The following MYO3B variants were observed in gnomAD, a reference collection of about 807,000 sequenced individuals.
MYO3B encodes the protein myosin-IIIb.
In MYO3B, 156 loss-of-function variants were observed where a neutral mutation model predicts 174.6. That is an observed-to-expected ratio of 0.89 (90% CI 0.78 to 1.02). The LOEUF (loss-of-function observed/expected upper bound fraction) is 1.02. Among genes scored for constraint, MYO3B ranks in the 50% least tolerant of loss-of-function variants. The probability of loss-of-function intolerance (pLI) is 0.00; values close to 1 mark genes in which losing one functional copy is unlikely to be tolerated. For missense variants in MYO3B, 1,632 were observed against 1,639.4 expected, an observed-to-expected ratio of 1.00 and a Z score of 0.08; for synonymous variants, 563 against 569.1, an observed-to-expected ratio of 0.99 and a Z score of 0.15.
At chr2:170,248,621 T>G (rs1008702569) in intron 7 of MYO3B, among the ~76,000 whole-genome samples, 1 of 152,206 alleles carries the variant, frequency 6.6e-6, no homozygotes, top group African/African-American at 2.4e-5. Context: ...ATTTCTTGAC[T>G]TGTGGCTCCC....
intron 21 of MYO3B, among the ~76,000 whole-genome samples, chr2:170,406,204 C>T (rs1411810576): frequency 6.6e-6 from 1 of 152,196 alleles, no homozygotes; most frequent in Non-Finnish European, 1.5e-5. Context: ...TTCCCTATCC[C>T]ATAACCACAA....
chr2:170,483,883 G>A (rs1365937459), intron 25 of MYO3B, among the ~76,000 whole-genome samples: 2 of 152,114 alleles, frequency 1.3e-5, no homozygotes, highest in Non-Finnish European at 2.9e-5. Context: ...CAGCCTCGAT[G>A]TGGCCTTGGA....
chr2:170,558,076 C>G (rs566316958), intron 32 of MYO3B, among the ~76,000 whole-genome samples: 20 of 152,232 alleles, frequency 1.3e-4, no homozygotes, highest in African/African-American at 4.8e-4. Flanking sequence ...CCAAGGCGGG[C>G]GGATCACAAG....
chr2:170,254,436 G>T (rs1028421648), intron 7 of MYO3B, among the ~76,000 whole-genome samples: 6 of 152,304 alleles, frequency 3.9e-5, no homozygotes, highest in Admixed American at 1.3e-4. Context: ...GGGACTCGGG[G>T]GGGCGCATCT....
intron 30 of MYO3B, among the ~76,000 whole-genome samples, chr2:170,538,483 G>T (rs552207695): frequency 2.0e-5 from 3 of 152,202 alleles, no homozygotes; most frequent in Non-Finnish European, 2.9e-5. Flanking sequence ...CCGGCGCAGC[G>T]TGACAGAGCC....
intron 32 of MYO3B, among the ~76,000 whole-genome samples, chr2:170,596,575 A>C (rs927533145): frequency 5.3e-5 from 8 of 152,228 alleles, no homozygotes; most frequent in African/African-American, 1.9e-4. Flanking sequence ...AATTCTGACT[A>C]CATGTTTTCT....
rs1295017150 is a variant in MYO3B at position 170,214,729 on chromosome 2, G to A, written c.427G>A (p.Gly143Ser). 4.3e-6 allele frequency: 7 copies of A among 1,613,490 alleles called. No individual in the cohort carries two copies. Among genetic ancestry groups the A allele is most frequent in the Non-Finnish European group, 5.9e-6 (7 of 1,179,512 alleles). The stretch of plus-strand genomic sequence containing the variant: ...TTGGTGGTGGTGGGATGCCATGCAG[G>A]GCCTTCAGCATTTGCACAACAACCG... ...ISYILYGALLGLQHLHNNRII... is the reference protein window; with the variant it reads ...ISYILYGALLSLQHLHNNRII... Residue 143 changes from glycine to serine, a missense_variant and splice_region_variant, in exon 5 of 35, where the codon GGC becomes AGC. Transcript: ENST00000408978.
chr2:170,639,580 CA>C (rs1192971076), intron 32 of MYO3B, among the ~76,000 whole-genome samples: 1 of 152,152 alleles, frequency 6.6e-6, no homozygotes, highest in African/African-American at 2.4e-5. Flanking sequence ...CAAAGCAAAA[CA>C]AAAAGACAGC....
chr2:170,558,526 T>C (rs1471994671), intron 32 of MYO3B, among the ~76,000 whole-genome samples: 1 of 152,204 alleles, frequency 6.6e-6, no homozygotes, highest in Non-Finnish European at 1.5e-5. Flanking sequence ...TTTTAAACTT[T>C]GCACAGCTGG....
chr2:170,547,364 C>T (rs1471293748), intron 32 of MYO3B, among the ~76,000 whole-genome samples: 1 of 151,714 alleles, frequency 6.6e-6, no homozygotes, highest in Non-Finnish European at 1.5e-5. Flanking sequence ...CTAAACTGGC[C>T]CATGTGGTCC....
chr2:170,541,108 T>G (rs1015207743), intron 30 of MYO3B, among the ~76,000 whole-genome samples: 2 of 151,962 alleles, frequency 1.3e-5, no homozygotes, highest in Non-Finnish European at 1.5e-5. Context: ...CTGTGGAGAG[T>G]TGGGAGGTGT....
intron 7 of MYO3B, among the ~76,000 whole-genome samples, chr2:170,300,523 G>T (rs369226974): frequency 1.2e-4 from 19 of 152,276 alleles, no homozygotes; most frequent in African/African-American, 4.3e-4. Context: ...TCCCTAGGAG[G>T]CTGGTAATGA....
At chr2:170,520,450 T>TATATATATACACACACATATATATACAC (rs1688606012) in intron 30 of MYO3B, among the ~76,000 whole-genome samples, 1 of 148,666 alleles carries the variant, frequency 6.7e-6, no homozygotes, top group Non-Finnish European at 1.5e-5. Context: ...TATATACACA[T>TATATATATACACACACATATATATACAC]ATATATATAC....
chr2:170,372,143 A>AAACAAC (rs1553475400), intron 9 of MYO3B, among the ~76,000 whole-genome samples: 2 of 136,898 alleles, frequency 1.5e-5, no homozygotes, highest in African/African-American at 2.6e-5. Context: ...AAAAAAAAAA[A>AAACAAC]AACAACAACA....
intron 25 of MYO3B, among the ~76,000 whole-genome samples, chr2:170,486,817 T>C (rs1281278079): frequency 6.6e-6 from 1 of 152,178 alleles, no homozygotes; most frequent in Non-Finnish European, 1.5e-5. Context: ...CTGATCACCA[T>C]CATGTCCTTC....
chr2:170,268,899 G>T (rs1191692721), intron 7 of MYO3B, among the ~76,000 whole-genome samples: 1 of 152,048 alleles, frequency 6.6e-6, no homozygotes, highest in African/African-American at 2.4e-5. Context: ...ACATGAAAAA[G>T]AACTTAACCT....
rs1333326051 is a variant in MYO3B at position 170,444,140 on chromosome 2, G to T, written c.2730+94G>T. 12 of 1,036,630 alleles carry T rather than the reference G, an allele frequency of 1.2e-5. No homozygotes were observed. The South Asian group carries it at 1.6e-4, about 14-fold the overall frequency. The allele number at this position is 1,036,630 out of a possible 1,614,324, so 64.2% of individuals were successfully genotyped here. A position where few individuals can be genotyped will look rare whatever the true frequency, so the allele number is the denominator to read the frequency against. ...AGTGGGCAGCATTAGTTCCCTTCTA[G>T]CAGCCCTCTGCCTGGGCAGTCTAGT... is the stretch of plus-strand genomic sequence containing the variant. On this transcript the variant is annotated intron_variant, in intron 23 of 34. Coordinates refer to ENST00000408978, the MANE Select transcript of MYO3B (RefSeq NM_138995.5).
At chr2:170,188,041 T>A (rs531590384) in intron 1 of MYO3B, among the ~76,000 whole-genome samples, 1 of 152,196 alleles carries the variant, frequency 6.6e-6, no homozygotes, top group South Asian at 2.1e-4. Context: ...GTCTGGATGA[T>A]CTGTTCGATG....
chr2:170,479,275 C>A (rs1342758612), intron 25 of MYO3B, among the ~76,000 whole-genome samples: 2 of 149,030 alleles, frequency 1.3e-5, no homozygotes, highest in East Asian at 3.9e-4. Flanking sequence ...CAGAGTGAGA[C>A]TCTGTCTCAA....
Sources: gnomAD v4.1 joint callset for allele counts (sites outside exome capture counted in the v4.1 genomes callset) on GRCh38, gnomAD v4.1.1 for gene constraint, MANE v1.5 for transcripts, NCBI Gene and HGNC (gene_info 2026-07-23, HGNC 2026-07-21) for gene names.